INPP4B: variants seen among roughly 807,000 people sequenced by gnomAD.
The protein encoded by INPP4B is inositol polyphosphate 4-phosphatase type II.
Under a neutral mutation model 122.5 loss-of-function variants are expected in INPP4B, and 55 were observed. The observed-to-expected ratio is 0.45, with a 90% confidence interval of 0.36 to 0.56. The LOEUF is 0.56. INPP4B is among the 20% of genes least tolerant of loss of function. The probability of loss-of-function intolerance (pLI) is 0.00; values close to 1 mark genes in which losing one functional copy is unlikely to be tolerated. For missense variants in INPP4B, 1,000 were observed against 1,097.7 expected (o/e 0.91, Z 1.26); for synonymous variants, 403 against 388.7 (o/e 1.04, Z -0.43).
chr4:142,367,578 G>A (rs1432635548), intron 7 of INPP4B, among the ~76,000 whole-genome samples: 2 of 152,000 alleles, frequency 1.3e-5, no homozygotes, highest in African/African-American at 4.8e-5. Context: ...ATTTGCCCAG[G>A]GTCACAGGTT....
chr4:142,731,047 G>A (rs2150879654), intron 1 of INPP4B, among the ~76,000 whole-genome samples: 1 of 152,124 alleles, frequency 6.6e-6, no homozygotes, highest in South Asian at 2.1e-4. Flanking sequence ...CGCGTGCCAT[G>A]CTGGTTTGCT....
At chr4:142,622,667 T>G (rs1297911574) in intron 2 of INPP4B, among the ~76,000 whole-genome samples, 3 of 151,876 alleles carry the variant, frequency 2.0e-5, no homozygotes, top group Non-Finnish European at 4.4e-5. Flanking sequence ...GGATCAATGG[T>G]GATCCAAGAG....
At chr4:142,505,369 G>A (rs114300329) in intron 2 of INPP4B, among the ~76,000 whole-genome samples, 1,641 of 152,088 alleles carry the variant, frequency 0.011, 14 homozygotes, top group Middle Eastern at 0.034. Context: ...TTCCTCAGTG[G>A]CTAGGAAAAT....
At position 142,030,054 on chromosome 4, in the gene INPP4B, A is replaced by G. The variant is rs1738818386; in HGVS notation, c.2643-1140T>C. 12 of 1,388,834 alleles carry G rather than the reference A, an allele frequency of 8.6e-6. No individual in the cohort carries two copies. The South Asian group carries it at 1.6e-4, about 18-fold the overall frequency. The allele number at this position is 1,388,834 out of a possible 1,614,324, so 86.0% of individuals were successfully genotyped here. On this transcript the variant is annotated intron_variant, in intron 25 of 25. Coordinates refer to ENST00000262992, the MANE Select transcript of INPP4B (RefSeq NM_001101669.3). ...ATTCTGTGAATTTGAAAATGTAAAA[A>G]TATTACAGCATTGTCCCCATAATTT...
intron 2 of INPP4B, among the ~76,000 whole-genome samples, chr4:142,538,030 T>C (rs931310603): frequency 1.3e-5 from 2 of 152,018 alleles, no homozygotes; most frequent in African/African-American, 4.8e-5. Context: ...TTTTATACCT[T>C]AAAAAATAAC....
At chr4:142,375,630 T>C (rs540370423) in intron 7 of INPP4B, among the ~76,000 whole-genome samples, 4 of 151,984 alleles carry the variant, frequency 2.6e-5, no homozygotes, top group African/African-American at 9.6e-5. Flanking sequence ...CTAAGAGAGG[T>C]GTACTTTCTT....
At chr4:142,367,642 G>A (rs1788054608) in intron 7 of INPP4B, among the ~76,000 whole-genome samples, 1 of 152,044 alleles carries the variant, frequency 6.6e-6, no homozygotes, top group Non-Finnish European at 1.5e-5. Context: ...ACGAAGGTTT[G>A]TGTTCTCAAC....
intron 5 of INPP4B, among the ~76,000 whole-genome samples, chr4:142,425,605 C>T (rs1238715809): frequency 6.6e-6 from 1 of 151,882 alleles, no homozygotes; most frequent in Non-Finnish European, 1.5e-5. Flanking sequence ...TTCTTAGGCT[C>T]AATATGAACA....
In INPP4B at chr4:142,024,048, GA is replaced by G. The variant is rs1419011139; in HGVS notation, c.*4733del. 6.6e-6 allele frequency: 1 copy of G among 151,646 alleles called. No individual in the cohort carries two copies. Among genetic ancestry groups the G allele is most frequent in the Non-Finnish European group, 1.5e-5 (1 of 67,918 alleles). 9.4% of individuals were successfully genotyped at this position (151,646 alleles called of 1,614,324 possible). A position where few individuals can be genotyped will look rare whatever the true frequency, so the allele number is the denominator to read the frequency against. ...AATGTTTGATTCTCTTATTTGCTTA[GA>G]AATAGAATTCAATGAGTGATTAATG... is the stretch of plus-strand genomic sequence containing the variant. On this transcript the variant is annotated 3_prime_UTR_variant, in exon 26 of 26. Transcript: ENST00000262992.
At chr4:142,360,485 C>G (rs1376689236) in intron 7 of INPP4B, among the ~76,000 whole-genome samples, 2 of 151,920 alleles carry the variant, frequency 1.3e-5, no homozygotes, top group African/African-American at 4.8e-5. Flanking sequence ...CATAGGTTAC[C>G]CTGAACGTAC....
At chr4:142,735,135 C>G (rs926858870) in intron 1 of INPP4B, among the ~76,000 whole-genome samples, 14 of 152,146 alleles carry the variant, frequency 9.2e-5, no homozygotes, top group African/African-American at 3.4e-4. Context: ...ACTTAGATTT[C>G]TCCTCAGTTT....
chr4:142,211,117 G>A (rs1844693777), intron 12 of INPP4B, among the ~76,000 whole-genome samples: 1 of 152,142 alleles, frequency 6.6e-6, no homozygotes, highest in Admixed American at 6.6e-5. Context: ...CTATCATACT[G>A]TCTCTCCACA....
intron 1 of INPP4B, among the ~76,000 whole-genome samples, chr4:142,747,875 T>TA (rs1554002797): frequency 6.6e-6 from 1 of 151,268 alleles, no homozygotes; most frequent in South Asian, 2.1e-4. Context: ...TGTCAAGGGG[T>TA]GGGGGAGCTG....
chr4:142,496,537 A>T (rs1580211501), intron 2 of INPP4B, among the ~76,000 whole-genome samples: 1 of 152,194 alleles, frequency 6.6e-6, no homozygotes, highest in African/African-American at 2.4e-5. Flanking sequence ...TTCTACCATT[A>T]GCATATGAGA....
intron 25 of INPP4B, among the ~76,000 whole-genome samples, chr4:142,073,643 T>C (rs1249096674): frequency 6.6e-6 from 1 of 152,116 alleles, no homozygotes; most frequent in Non-Finnish European, 1.5e-5. Flanking sequence ...ACAAACATAA[T>C]AGGCATATTG....
chr4:142,711,194 T>C (rs1391171487), intron 2 of INPP4B, among the ~76,000 whole-genome samples: 1 of 152,222 alleles, frequency 6.6e-6, no homozygotes, highest in African/African-American at 2.4e-5. Flanking sequence ...TTTGGTCCTA[T>C]GACCTCCTTC....
At chr4:142,597,670 T>C (rs1485492432) in intron 2 of INPP4B, among the ~76,000 whole-genome samples, 1 of 152,152 alleles carries the variant, frequency 6.6e-6, no homozygotes, top group Non-Finnish European at 1.5e-5. Context: ...TTAATGACTA[T>C]CATAAGTCAT....
chr4:142,181,628 TATTC>T (rs568375218), intron 15 of INPP4B, among the ~76,000 whole-genome samples: 26 of 152,318 alleles, frequency 1.7e-4, no homozygotes, highest in African/African-American at 5.5e-4. Flanking sequence ...ATAGTTTGCT[TATTC>T]ATTCATTCAT....
chr4:142,784,489 G>T (rs1775434730), intron 1 of INPP4B, among the ~76,000 whole-genome samples: 1 of 151,996 alleles, frequency 6.6e-6, no homozygotes, highest in Non-Finnish European at 1.5e-5. Context: ...GAATTTGAAA[G>T]GACAGGCAAA....
Sources: allele counts gnomAD v4.1 joint callset (sites outside exome capture counted in the v4.1 genomes callset), GRCh38; gene constraint gnomAD v4.1.1; transcripts MANE v1.5; gene names NCBI Gene and HGNC (gene_info 2026-07-23, HGNC 2026-07-21).